Variants in MAPK4 observed in about 807,000 individuals in gnomAD.
MAPK4 encodes mitogen-activated protein kinase 4.
A neutral mutation model predicts 47.7 loss-of-function variants in MAPK4; 22 were observed. The ratio of observed to expected loss-of-function variants is 0.46; its 90% CI spans 0.33 to 0.66. The LOEUF is 0.66. Among genes scored for constraint, MAPK4 ranks in the 30% least tolerant of loss-of-function variants. MAPK4 has a pLI of 0.02. For synonymous variants in MAPK4, 390 were observed against 365.7 expected (o/e 1.07, Z -0.76); for missense variants, 736 against 831.7 (o/e 0.88, Z 1.42).
intron 2 of MAPK4, among the ~76,000 whole-genome samples, chr18:50,665,813 C>T (rs1037847312): frequency 2.0e-5 from 3 of 152,188 alleles, no homozygotes; most frequent in African/African-American, 7.2e-5. Context: ...ACTCCTGCAG[C>T]CAAGCCATCT....
chr18:50,579,286 T>G (rs193120967), intron 1 of MAPK4, among the ~76,000 whole-genome samples: 1 of 152,300 alleles, frequency 6.6e-6, no homozygotes, highest in Admixed American at 6.5e-5. Flanking sequence ...CATCATTTTG[T>G]CCTTGCATCA....
chr18:50,666,094 G>C (rs1004856404), intron 2 of MAPK4, among the ~76,000 whole-genome samples: 1 of 152,168 alleles, frequency 6.6e-6, no homozygotes, highest in Non-Finnish European at 1.5e-5. Flanking sequence ...CGGTACATTT[G>C]AGTATCATAT....
Position 50,690,926 on chromosome 18 carries a change from G to A in MAPK4, c.547-24153G>A, listed in dbSNP as rs186514361. On this transcript the variant is annotated intron_variant, in intron 2 of 5. Coordinates refer to ENST00000400384, the MANE Select transcript of MAPK4 (RefSeq NM_002747.4). ...TGCCCTGGGAATGGCAGGTACCAAA[G>A]AGGTGTGAAGGAACAAAAGTCTGTC... Among the ~76,000 whole-genome samples, 321 of 152,278 alleles carry A rather than the reference G, an allele frequency of 2.1e-3. 1 individual carries two copies. The highest frequency in any genetic ancestry group is 7.1e-3 in the African/African-American group (293 of 41,552).
At chr18:50,713,083 GAGAC>G (rs1339417096) in intron 2 of MAPK4, among the ~76,000 whole-genome samples, 1 of 152,216 alleles carries the variant, frequency 6.6e-6, no homozygotes, top group East Asian at 1.9e-4. Context: ...TAAAATTAGA[GAGAC>G]AGAAAAGAGC....
At position 50,729,310 on chromosome 18, in the gene MAPK4, G is replaced by C; in HGVS notation, c.1220G>C (p.Arg407Pro). Residue 407 changes from arginine to proline, a missense_variant, in exon 6 of 6, where the codon CGC becomes CCC. By Grantham distance (103) the Arg-to-Pro change is moderately radical. Coordinates refer to ENST00000400384, the MANE Select transcript of MAPK4 (RefSeq NM_002747.4). The part of the protein sequence containing the change: ...PRKDSHSSSE[R>P]FLEQSHSSME... ...AAGGACTCGCACAGCAGCTCCGAGC[G>C]CTTCCTAGAGCAGTCGCACTCGTCC... 6.2e-7 allele frequency: 1 copy of C among 1,602,460 alleles called. No individual in the cohort carries two copies. The highest frequency in any genetic ancestry group is 8.5e-7 in the Non-Finnish European group (1 of 1,173,984).
chr18:50,708,033 G>A (rs776293550), intron 2 of MAPK4, among the ~76,000 whole-genome samples: 16 of 152,210 alleles, frequency 1.1e-4, no homozygotes, highest in African/African-American at 2.4e-4. Context: ...GTAATAGAAC[G>A]TGCCAGATGA....
intron 1 of MAPK4, among the ~76,000 whole-genome samples, chr18:50,659,984 T>A (rs1333306959): frequency 1.3e-5 from 2 of 152,198 alleles, no homozygotes; most frequent in Non-Finnish European, 2.9e-5. Context: ...CACATCCAGA[T>A]GCCAGTCTGC....
At chr18:50,726,301 C>G in intron 5 of MAPK4, 126 bp downstream of exon 5, 1 of 852,084 alleles carries the variant, frequency 1.2e-6, no homozygotes, top group Non-Finnish European at 1.9e-6. Flanking sequence ...ACTTCTCCAG[C>G]TTAGCTTCCT....
At chr18:50,574,208 T>C (rs2042274913) in intron 1 of MAPK4, among the ~76,000 whole-genome samples, 1 of 152,230 alleles carries the variant, frequency 6.6e-6, no homozygotes, top group African/African-American at 2.4e-5. Context: ...ATATAGGCTG[T>C]CTCTCTTTTT....
At chr18:50,646,829 G>A (rs915486511) in intron 1 of MAPK4, among the ~76,000 whole-genome samples, 1 of 152,118 alleles carries the variant, frequency 6.6e-6, no homozygotes, top group Non-Finnish European at 1.5e-5. Context: ...CGAGGTCATG[G>A]TATGGACCCT....
At chr18:50,728,061 T>C (rs1911300299) in intron 5 of MAPK4, among the ~76,000 whole-genome samples, 1 of 152,234 alleles carries the variant, frequency 6.6e-6, no homozygotes, top group Non-Finnish European at 1.5e-5. Flanking sequence ...GAGGCCTTCC[T>C]GTGCCTCTCC....
intron 2 of MAPK4, among the ~76,000 whole-genome samples, chr18:50,679,254 G>T (rs1908446146): frequency 6.6e-6 from 1 of 152,142 alleles, no homozygotes; most frequent in African/African-American, 2.4e-5. Flanking sequence ...CTGAGTCATG[G>T]GTGTGCTTCC....
At position 50,650,366 on chromosome 18, in the gene MAPK4, G is replaced by T. The variant is rs535066033; in HGVS notation, c.-870-12723G>T. Among the ~76,000 whole-genome samples, 7 of 137,870 alleles carry T rather than the reference G, an allele frequency of 5.1e-5. No individual in the cohort carries two copies. The South Asian group carries it at 1.6e-3, about 31-fold the overall frequency. 90.4% of individuals were successfully genotyped at this position (137,870 alleles called of 152,430 possible). A position where few individuals can be genotyped will look rare whatever the true frequency, so the allele number is the denominator to read the frequency against. On this transcript the variant is annotated intron_variant, in intron 1 of 5. Coordinates refer to ENST00000400384, the MANE Select transcript of MAPK4 (RefSeq NM_002747.4). Reference sequence around the variant, plus strand: ...TCTCTCTCCTCTTTTCCTCTCCCTAGCTCCTCCTGTTTGTCCCTGCTCCCC... The same window carrying T: ...TCTCTCTCCTCTTTTCCTCTCCCTATCTCCTCCTGTTTGTCCCTGCTCCCC...
chr18:50,631,182 C>CT (rs1003648380), intron 1 of MAPK4, among the ~76,000 whole-genome samples: 7 of 151,944 alleles, frequency 4.6e-5, no homozygotes, highest in Non-Finnish European at 8.8e-5. Context: ...TTTAGTGCCA[C>CT]TTTTTTTTGT....
intron 2 of MAPK4, among the ~76,000 whole-genome samples, chr18:50,709,725 C>A (rs1315322073): frequency 6.6e-6 from 1 of 152,052 alleles, no homozygotes; most frequent in Non-Finnish European, 1.5e-5. Context: ...AGCCAGACAC[C>A]CCTGACCACT....
In MAPK4 at chr18:50,645,786, A is replaced by C. The variant is rs1329284256; in HGVS notation, c.-870-17303A>C. 3.3e-5 allele frequency among the ~76,000 whole-genome samples: 5 copies of C among 152,312 alleles called. No homozygotes were observed. In the South Asian group the frequency reaches 8.3e-4, roughly 25 times the overall value. ...TGAGGGCATGGCATCTGAGGGTGGA[A>C]GGCTGGGGTTTGGGGCCCAGTTCTG... On this transcript the variant is annotated intron_variant, in intron 1 of 5. Transcript: ENST00000400384.
intron 1 of MAPK4, among the ~76,000 whole-genome samples, chr18:50,659,540 G>A (rs953019839): frequency 2.0e-5 from 3 of 152,198 alleles, no homozygotes; most frequent in Admixed American, 6.5e-5. Flanking sequence ...GTTGGCACAC[G>A]CCATCTCATC....
chr18:50,688,910 AG>A (rs1223262860), intron 2 of MAPK4, among the ~76,000 whole-genome samples: 86 of 150,298 alleles, frequency 5.7e-4, no homozygotes, highest in African/African-American at 2.0e-3. Flanking sequence ...AAAAAAAAAA[AG>A]AAAGACAGTG....
At chr18:50,647,071 C>T (rs2042996864) in intron 1 of MAPK4, among the ~76,000 whole-genome samples, 6 of 152,224 alleles carry the variant, frequency 3.9e-5, no homozygotes. Flanking sequence ...AGGACTGGAT[C>T]CTCATTGCCT....
Sources: allele counts gnomAD v4.1 joint callset (sites outside exome capture counted in the v4.1 genomes callset), GRCh38; gene constraint gnomAD v4.1.1; transcripts MANE v1.5; gene names NCBI Gene and HGNC (gene_info 2026-07-23, HGNC 2026-07-21).